The following LRRTM4 variants were observed in gnomAD, a reference collection of about 807,000 sequenced individuals.
The protein encoded by LRRTM4 is leucine-rich repeat transmembrane neuronal protein 4.
A neutral mutation model predicts 47.6 loss-of-function variants in LRRTM4; 25 were observed. That is an observed-to-expected ratio of 0.53 (90% CI 0.38 to 0.73). LRRTM4 has a LOEUF of 0.73. Ranked by LOEUF, LRRTM4 falls within the 30% of genes least tolerant of loss-of-function variation. The pLI is 0.00. For synonymous variants in LRRTM4, 311 were observed against 269.5 expected (o/e 1.15, Z -1.51); for missense variants, 638 against 713.4 (o/e 0.89, Z 1.20).
chr2:76,795,216 A>AAATT (rs1330071934), intron 3 of LRRTM4, among the ~76,000 whole-genome samples: 1 of 152,182 alleles, frequency 6.6e-6, no homozygotes, highest in Non-Finnish European at 1.5e-5. Context: ...CAAAGAAATT[A>AAATT]AATTAATGAA....
At chr2:77,076,335 A>G (rs1308133214) in intron 3 of LRRTM4, among the ~76,000 whole-genome samples, 1 of 152,206 alleles carries the variant, frequency 6.6e-6, no homozygotes, top group African/African-American at 2.4e-5. Context: ...TGCATATTTT[A>G]AATACTTTAA....
chr2:76,751,497 A>C (rs2104052622), intron 3 of LRRTM4, among the ~76,000 whole-genome samples: 1 of 152,274 alleles, frequency 6.6e-6, no homozygotes, highest in African/African-American at 2.4e-5. Context: ...TTGGACCTTA[A>C]TTTCTGTGCT....
chr2:77,166,833 C>G (rs1004700783), intron 3 of LRRTM4, among the ~76,000 whole-genome samples: 4 of 151,834 alleles, frequency 2.6e-5, no homozygotes, highest in Non-Finnish European at 4.4e-5. Flanking sequence ...TTAAATGTTA[C>G]ACCTAAAACC....
chr2:77,430,307 T>C (rs1158885817), intron 3 of LRRTM4, among the ~76,000 whole-genome samples: 1 of 152,214 alleles, frequency 6.6e-6, no homozygotes, highest in Non-Finnish European at 1.5e-5. Context: ...TTATATCCCA[T>C]ATAATCACTT....
chr2:77,407,621 AT>A (rs1558728708), intron 3 of LRRTM4, among the ~76,000 whole-genome samples: 1 of 137,884 alleles, frequency 7.3e-6, no homozygotes, highest in African/African-American at 2.8e-5. Flanking sequence ...ATATAATATA[AT>A]ATATGATATA....
At chr2:77,209,706 T>C (rs1573080342) in intron 3 of LRRTM4, among the ~76,000 whole-genome samples, 1 of 152,216 alleles carries the variant, frequency 6.6e-6, no homozygotes, top group Admixed American at 6.5e-5. Context: ...TATGCCATTT[T>C]CTAAAAGGCA....
At chr2:77,303,888 G>C (rs575835733) in intron 3 of LRRTM4, among the ~76,000 whole-genome samples, 1 of 152,074 alleles carries the variant, frequency 6.6e-6, no homozygotes, top group Non-Finnish European at 1.5e-5. Context: ...TTCATATCTT[G>C]GCTATTGTGA....
chr2:77,139,902 G>C (rs1672067728), intron 3 of LRRTM4, among the ~76,000 whole-genome samples: 1 of 152,018 alleles, frequency 6.6e-6, no homozygotes, highest in South Asian at 2.1e-4. Context: ...AAATACCTAG[G>C]AATCCAACTT....
intron 3 of LRRTM4, among the ~76,000 whole-genome samples, chr2:77,337,027 G>T (rs542832930): frequency 6.6e-6 from 1 of 152,166 alleles, no homozygotes; most frequent in African/African-American, 2.4e-5. Flanking sequence ...CAAAGTTTAA[G>T]GATACAAAAT....
intron 3 of LRRTM4, among the ~76,000 whole-genome samples, chr2:77,260,790 T>C (rs1675899716): frequency 6.6e-6 from 1 of 152,038 alleles, no homozygotes; most frequent in Non-Finnish European, 1.5e-5. Context: ...ACAATCTCCT[T>C]ATGAAAACAA....
At chr2:77,140,904 A>C (rs1672101723) in intron 3 of LRRTM4, among the ~76,000 whole-genome samples, 2 of 152,218 alleles carry the variant, frequency 1.3e-5, no homozygotes, top group African/African-American at 4.8e-5. Context: ...GAGAAATGAA[A>C]ATCAAAACCA....
chr2:77,054,541 T>C (rs1679541019), intron 3 of LRRTM4, among the ~76,000 whole-genome samples: 1 of 152,156 alleles, frequency 6.6e-6, no homozygotes. Flanking sequence ...GCAGGGTAAA[T>C]GGAGTAAACA....
intron 3 of LRRTM4, among the ~76,000 whole-genome samples, chr2:76,979,200 A>C (rs1676514912): frequency 2.0e-5 from 3 of 152,134 alleles, no homozygotes; most frequent in Middle Eastern, 6.8e-3. Flanking sequence ...GACTCCCAGA[A>C]GTGCTTCAAG....
intron 3 of LRRTM4, among the ~76,000 whole-genome samples, chr2:77,138,329 C>G (rs533230041): frequency 6.6e-6 from 1 of 152,142 alleles, no homozygotes; most frequent in Non-Finnish European, 1.5e-5. Flanking sequence ...CATTCAAAAC[C>G]ACTCAACTAC....
At chr2:76,873,506 G>GTGTGTGTATATATATATATATATA (rs367573475) in intron 3 of LRRTM4, among the ~76,000 whole-genome samples, 22 of 112,306 alleles carry the variant, frequency 2.0e-4, no homozygotes, top group African/African-American at 7.1e-4. Context: ...ATATATGTGT[G>GTGTGTGTATATATATATATATATA]TATATATATA....
At chr2:76,778,862 A>T (rs888763237) in intron 3 of LRRTM4, among the ~76,000 whole-genome samples, 1 of 151,582 alleles carries the variant, frequency 6.6e-6, no homozygotes, top group Non-Finnish European at 1.5e-5. Context: ...TAGGGTGTCA[A>T]TTTTGGATCT....
chr2:77,008,877 T>C (rs1348747594), intron 3 of LRRTM4: 1 of 151,668 alleles, frequency 6.6e-6, no homozygotes, highest in Non-Finnish European at 1.5e-5. Flanking sequence ...TAGCACTTTC[T>C]GTCTAACACT....
At chr2:76,828,540 TAAGAG>T (rs1558680096) in intron 3 of LRRTM4, among the ~76,000 whole-genome samples, 2 of 151,948 alleles carry the variant, frequency 1.3e-5, no homozygotes, top group Admixed American at 6.6e-5. Context: ...TGAGAAAGGA[TAAGAG>T]AAATGTGTAT....
chr2:77,019,441 G>A (rs1350729628), intron 3 of LRRTM4, among the ~76,000 whole-genome samples: 10 of 151,934 alleles, frequency 6.6e-5, no homozygotes, highest in African/African-American at 2.2e-4. Flanking sequence ...AACTTTCTAT[G>A]TGACCTCAGG....
Sources: allele counts gnomAD v4.1 joint callset (sites outside exome capture counted in the v4.1 genomes callset), GRCh38; gene constraint gnomAD v4.1.1; transcripts MANE v1.5; gene names NCBI Gene and HGNC (gene_info 2026-07-23, HGNC 2026-07-21).